The following SACS variants were observed in gnomAD, a reference collection of about 807,000 sequenced individuals.
SACS encodes the protein sacsin.
Under a neutral mutation model 348.0 loss-of-function variants are expected in SACS, and 197 were observed. The ratio of observed to expected loss-of-function variants is 0.57; its 90% CI spans 0.50 to 0.64. The LOEUF (loss-of-function observed/expected upper bound fraction) is 0.64, where lower values mean the gene tolerates loss of function less well. SACS is among the 30% of genes least tolerant of loss of function. The probability of loss-of-function intolerance (pLI) is 0.00; values close to 1 mark genes in which losing one functional copy is unlikely to be tolerated. For missense variants in SACS, 4,999 were observed against 5,360.8 expected (o/e 0.93, Z 2.11); for synonymous variants, 1,985 against 1,910.6 (o/e 1.04, Z -1.02).
intron 8 of SACS, among the ~76,000 whole-genome samples, chr13:23,354,174 A>G (rs1304927949): frequency 6.6e-6 from 1 of 152,228 alleles, no homozygotes; most frequent in Non-Finnish European, 1.5e-5. Context: ...TACTTAATAT[A>G]CTATTTTTCA....
rs377648059 is a variant in SACS, at chr13:23,339,207, C to G, written c.4669G>C (p.Gly1557Arg). ...TGGTACACAGAATTAAATCCAAGACCAAATTTTCCAACTTTGTCAACTTCT... is the reference window on the plus strand; with the variant it reads ...TGGTACACAGAATTAAATCCAAGACGAAATTTTCCAACTTTGTCAACTTCT... ...RGEVDKVGKF[G>R]LGFNSVYHIT... Residue 1557 changes from glycine to arginine, a missense_variant, in exon 10 of 10, where the codon GGT becomes CGT. Gly to Arg is a moderately radical substitution (Grantham distance 125, BLOSUM62 -2). This residue lies in a region of SACS where 3,156 missense variants were observed against 3,380.1 expected (regional missense o/e 0.93). Coordinates refer to ENST00000382292, the MANE Select transcript of SACS (RefSeq NM_014363.6). 3 of 1,611,418 alleles carry G rather than the reference C, an allele frequency of 1.9e-6. No homozygotes were observed. The highest frequency in any genetic ancestry group is 2.5e-6 in the Non-Finnish European group (3 of 1,178,842).
chr13:23,334,273 C>A lies in SACS; in HGVS notation c.9603G>T (p.Leu3201Phe). Reference sequence around the variant, plus strand: ...CAAACACTTTTGCAACTTTACAGTTCAATAAAATATTACTATATTTCAAAT... The same window carrying A: ...CAAACACTTTTGCAACTTTACAGTTAAATAAAATATTACTATATTTCAAAT... The part of the protein sequence containing the change: ...TLYLKYSNIL[L>F]NCKVAKVFDI... Residue 3201 changes from leucine (L) to phenylalanine (F), a missense_variant, in exon 10 of 10, where the codon TTG (leucine) becomes TTT (phenylalanine). By Grantham distance (22) the Leu-to-Phe change is conservative. Transcript: ENST00000382292. 6.2e-7 allele frequency: 1 copy of A among 1,606,540 alleles called. No homozygotes were observed. The highest frequency in any genetic ancestry group is 8.5e-7 in the Non-Finnish European group (1 of 1,176,126).
chr13:23,404,367 C>T (rs1429549099), intron 2 of SACS, among the ~76,000 whole-genome samples: 4 of 152,156 alleles, frequency 2.6e-5, no homozygotes, highest in African/African-American at 9.7e-5. Context: ...TGATAAAATT[C>T]AACACTCCTT....
At chr13:23,380,023 A>G (rs1204386685) in intron 2 of SACS, among the ~76,000 whole-genome samples, 1 of 152,048 alleles carries the variant, frequency 6.6e-6, no homozygotes, top group African/African-American at 2.4e-5. Flanking sequence ...TACCTGTCAC[A>G]TGACATCGTT....
chr13:23,417,944 T>A (rs1219184753), intron 1 of SACS, among the ~76,000 whole-genome samples: 2 of 151,642 alleles, frequency 1.3e-5, no homozygotes, highest in Admixed American at 1.3e-4. Context: ...TGGCACGCAC[T>A]TGTAGTCACA....
At chr13:23,365,067 T>C in intron 6 of SACS, 99 bp downstream of exon 6, 1 of 808,112 alleles carries the variant, frequency 1.2e-6, no homozygotes, top group Non-Finnish European at 2.0e-6. Context: ...TGCCAAAAAG[T>C]ACAAATGATA....
At chr13:23,389,543 C>G (rs958904794) in intron 2 of SACS, among the ~76,000 whole-genome samples, 3 of 152,164 alleles carry the variant, frequency 2.0e-5, no homozygotes, top group Non-Finnish European at 2.9e-5. Flanking sequence ...ATGGTATCTG[C>G]AAAGTACATG....
chr13:23,416,038 G>T (rs7336180), intron 1 of SACS, among the ~76,000 whole-genome samples: 43,184 of 151,872 alleles, frequency 0.28, 6,722 homozygotes, highest in East Asian at 0.46. Flanking sequence ...CTAGCACTCT[G>T]GGGGGCTGAG....
intron 3 of SACS, among the ~76,000 whole-genome samples, chr13:23,374,835 A>C (rs1871637457): frequency 6.6e-6 from 1 of 151,388 alleles, no homozygotes. Flanking sequence ...CACTTCATTG[A>C]TGATGTCTAA....
intron 9 of SACS, among the ~76,000 whole-genome samples, chr13:23,342,281 A>C (rs570204999): frequency 6.6e-6 from 1 of 152,348 alleles, no homozygotes; most frequent in East Asian, 1.9e-4. Flanking sequence ...TATGTTTTTT[A>C]AAGTATCCTA....
At position 23,329,080 on chromosome 13, in the gene SACS, TTAAAG is replaced by T. The variant is rs66920661; in HGVS notation, c.*1051_*1055del. ...TTTTACATTCTGCAAAAGAAATATG[TTAAAG>T]TAAAGAAGCATGGCGAGACAAACAT... On this transcript the variant is annotated 3_prime_UTR_variant, in exon 10 of 10. Coordinates refer to ENST00000382292, the MANE Select transcript of SACS (RefSeq NM_014363.6). 0.083 allele frequency: 17,343 copies of T among 209,666 alleles called. 945 individuals are homozygous for T. The highest frequency in any genetic ancestry group is 0.12 in the Non-Finnish European group (12,521 of 107,378). 13.0% of individuals were successfully genotyped at this position (209,666 alleles called of 1,614,324 possible). A position where few individuals can be genotyped will look rare whatever the true frequency, so the allele number is the denominator to read the frequency against.
rs1249679921 is a variant in SACS, at chr13:23,331,573, T to C, written c.12303A>G (p.Ala4101=). ...SDSKDINFLL[A]LAMTLKSATD... ...TTGCTGATTTAAGAGTCATTGCCAA[T>C]GCTAACAGGAAATTAATGTCTTTAC... The change falls in exon 10 of 10, where the codon GCA becomes GCG. Residue 4101 remains alanine, a synonymous_variant. Coordinates refer to ENST00000382292, the MANE Select transcript of SACS (RefSeq NM_014363.6). 6.2e-7 allele frequency: 1 copy of C among 1,613,868 alleles called. No homozygotes were observed. Among genetic ancestry groups the C allele is most frequent in the African/African-American group, 1.3e-5 (1 of 74,926 alleles).
chr13:23,433,549 C>T (rs1874523229), intron 1 of SACS, 66 bp downstream of exon 1: 2 of 152,334 alleles, frequency 1.3e-5, no homozygotes, highest in African/African-American at 4.8e-5. Context: ...ACCATGGAGC[C>T]TGCCCGTCCC....
intron 6 of SACS, among the ~76,000 whole-genome samples, chr13:23,361,279 A>G (rs1322380428): frequency 2.0e-5 from 3 of 152,186 alleles, no homozygotes; most frequent in Non-Finnish European, 4.4e-5. Context: ...GAATCTAGTT[A>G]TCATTTAATG....
At chr13:23,393,805 G>C (rs1486355570) in intron 2 of SACS, among the ~76,000 whole-genome samples, 1 of 151,824 alleles carries the variant, frequency 6.6e-6, no homozygotes, top group Admixed American at 6.6e-5. Context: ...CTGTCACCAA[G>C]GCTGGAGTGC....
At chr13:23,362,051 A>C (rs992858473) in intron 6 of SACS, among the ~76,000 whole-genome samples, 1 of 152,204 alleles carries the variant, frequency 6.6e-6, no homozygotes, top group African/African-American at 2.4e-5. Context: ...TGGAATTTAT[A>C]TATTTAAGAG....
In SACS at chr13:23,333,722, T is replaced by A; in HGVS notation, c.10154A>T (p.Glu3385Val). 1 of 1,613,816 alleles carries A rather than the reference T, an allele frequency of 6.2e-7. No individual in the cohort carries two copies. Among genetic ancestry groups the A allele is most frequent in the Non-Finnish European group, 8.5e-7 (1 of 1,179,770 alleles). Residue 3385 changes from glutamate to valine, a missense_variant, in exon 10 of 10, where the codon GAG becomes GTG. Physicochemically the swap from Glu to Val is moderately radical, Grantham distance 121. Transcript: ENST00000382292. ...RAEKLVENDF[E>V]ALLMYFNCNL... ...GCAGTTGAAATACATCAAAAGTGCC[T>A]CAAAATCATTTTCTACTAATTTTTC...
intron 2 of SACS, among the ~76,000 whole-genome samples, chr13:23,392,337 A>G (rs902725455): frequency 5.9e-5 from 9 of 152,212 alleles, no homozygotes; most frequent in Admixed American, 5.9e-4. Flanking sequence ...TGAAATCAAC[A>G]AAGTGGGATT....
chr13:23,331,575 C>T lies in SACS; in HGVS notation c.12301G>A (p.Ala4101Thr). Residue 4101 changes from alanine to threonine, a missense_variant, in exon 10 of 10, where the codon GCA becomes ACA. Physicochemically the swap from Ala to Thr is moderately conservative, Grantham distance 58 (BLOSUM62 0). This residue lies in a region of SACS where 831 missense variants were observed against 941.8 expected (regional missense o/e 0.88). Transcript: ENST00000382292. The part of the protein sequence containing the change: ...SDSKDINFLL[A>T]LAMTLKSATD... ...GCTGATTTAAGAGTCATTGCCAATG[C>T]TAACAGGAAATTAATGTCTTTACTG... 1 of 1,613,954 alleles carries T rather than the reference C, an allele frequency of 6.2e-7. No homozygotes were observed. The highest frequency in any genetic ancestry group is 8.5e-7 in the Non-Finnish European group (1 of 1,179,918).
Sources: gnomAD v4.1 joint callset for allele counts (sites outside exome capture counted in the v4.1 genomes callset) on GRCh38, gnomAD v4.1.1 for gene constraint, gnomAD v4.1.1 regional missense constraint, MANE v1.5 for transcripts, NCBI Gene and HGNC (gene_info 2026-07-23, HGNC 2026-07-21) for gene names.